The following TRIO variants were observed in gnomAD, a reference collection of about 807,000 sequenced individuals.
TRIO encodes trio Rho guanine nucleotide exchange factor, also known as triple functional domain protein.
Under a neutral mutation model 351.9 loss-of-function variants are expected in TRIO, and 58 were observed. The observed-to-expected ratio is 0.16, with a 90% CI of 0.13 to 0.21. The LOEUF (loss-of-function observed/expected upper bound fraction) is 0.21. Ranked by LOEUF, TRIO falls within the 10% of genes least tolerant of loss-of-function variation. The pLI, the probability that TRIO is intolerant of heterozygous loss-of-function variation, is 1.00. For synonymous variants in TRIO, 1,758 were observed against 1,595.7 expected (o/e 1.10, Z -2.42); for missense variants, 3,201 against 4,027.8 (o/e 0.79, Z 5.56).
At chr5:14,257,643 T>G (rs1425429958) in intron 1 of TRIO, among the ~76,000 whole-genome samples, 1 of 152,184 alleles carries the variant, frequency 6.6e-6, no homozygotes, top group Non-Finnish European at 1.5e-5. Context: ...TATAGTTCCT[T>G]AAATTATTTA....
At chr5:14,287,084 A>C in intron 4 of TRIO, 21 bp downstream of exon 4, 3 of 1,610,036 alleles carry the variant, frequency 1.9e-6, no homozygotes, top group Non-Finnish European at 2.5e-6. Context: ...CCGTGTGGCT[A>C]GACCCACTAA....
intron 1 of TRIO, among the ~76,000 whole-genome samples, chr5:14,217,082 G>A (rs1792271764): frequency 1.3e-5 from 2 of 152,164 alleles, no homozygotes; most frequent in South Asian, 2.1e-4. Flanking sequence ...CCTCCAGCAC[G>A]ATGCCCCATG....
chr5:14,436,712 A>G (rs1751618602), intron 34 of TRIO, among the ~76,000 whole-genome samples: 1 of 152,238 alleles, frequency 6.6e-6, no homozygotes, highest in Admixed American at 6.5e-5. Flanking sequence ...TACAGACCCC[A>G]TGCAAGTCTG....
chr5:14,478,784 T>TA (rs777440616), intron 41 of TRIO, among the ~76,000 whole-genome samples: 25,900 of 96,810 alleles, frequency 0.27, 2,890 homozygotes, highest in Middle Eastern at 0.46. Context: ...ACTCCATCCC[T>TA]ACAAAAAAAA....
chr5:14,471,672 A>G (rs1262319326), intron 38 of TRIO, among the ~76,000 whole-genome samples: 2 of 152,188 alleles, frequency 1.3e-5, no homozygotes, highest in Non-Finnish European at 2.9e-5. Flanking sequence ...TTATTTGTAT[A>G]TGATACTTCA....
chr5:14,384,099 G>A (rs1052631636), intron 21 of TRIO, among the ~76,000 whole-genome samples: 5 of 152,148 alleles, frequency 3.3e-5, no homozygotes, highest in Non-Finnish European at 5.9e-5. Flanking sequence ...GTTTATTTAA[G>A]AGAGATTTCT....
chr5:14,303,369 T>C (rs1738080204), intron 7 of TRIO, among the ~76,000 whole-genome samples: 2 of 132,220 alleles, frequency 1.5e-5, no homozygotes, highest in Non-Finnish European at 3.1e-5. Flanking sequence ...GTGGAGGAGA[T>C]TGAGCCGGGA....
intron 34 of TRIO, among the ~76,000 whole-genome samples, chr5:14,454,022 T>G (rs181924788): frequency 6.6e-6 from 1 of 152,030 alleles, no homozygotes; most frequent in Non-Finnish European, 1.5e-5. Flanking sequence ...CTCTGCCTCC[T>G]GGGTTCAAGC....
chr5:14,362,126 A>G (rs1395178564), intron 13 of TRIO, among the ~76,000 whole-genome samples: 4 of 152,316 alleles, frequency 2.6e-5, no homozygotes, highest in Non-Finnish European at 4.4e-5. Flanking sequence ...GAATGAATGA[A>G]TGTCTTCAAA....
intron 1 of TRIO, among the ~76,000 whole-genome samples, chr5:14,222,828 A>T (rs1318430930): frequency 6.6e-6 from 1 of 152,226 alleles, no homozygotes; most frequent in Non-Finnish European, 1.5e-5. Context: ...GACTTCTAAC[A>T]TCGCAGAGAT....
intron 31 of TRIO, among the ~76,000 whole-genome samples, chr5:14,405,417 A>G (rs935329836): frequency 6.6e-6 from 1 of 152,226 alleles, no homozygotes; most frequent in African/African-American, 2.4e-5. Context: ...CTGTTCCCTG[A>G]GTCCAGCAAA....
At chr5:14,419,313 G>A (rs1561468547) in intron 33 of TRIO, among the ~76,000 whole-genome samples, 1 of 152,098 alleles carries the variant, frequency 6.6e-6, no homozygotes. Flanking sequence ...TCGGTTTCAG[G>A]GTCATAGCCC....
At chr5:14,403,032 G>A (rs894277015) in intron 31 of TRIO, among the ~76,000 whole-genome samples, 2 of 149,512 alleles carry the variant, frequency 1.3e-5, no homozygotes, top group African/African-American at 4.9e-5. Flanking sequence ...GGTTGTGGTG[G>A]TGAAGGTGCA....
intron 1 of TRIO, among the ~76,000 whole-genome samples, chr5:14,154,332 C>T (rs765945760): frequency 1.5e-4 from 23 of 152,130 alleles, no homozygotes; most frequent in Admixed American, 4.6e-4. Flanking sequence ...AGGAAAGGAA[C>T]GGGGCCGGGG....
intron 42 of TRIO, 65 bp from the exon 43 acceptor site, chr5:14,479,854 A>G: frequency 6.8e-7 from 1 of 1,474,368 alleles, no homozygotes; most frequent in Non-Finnish European, 9.4e-7. Flanking sequence ...TGACAATTAC[A>G]AAGACTAAAA....
chr5:14,189,861 T>C (rs529161456), intron 1 of TRIO, among the ~76,000 whole-genome samples: 1 of 152,154 alleles, frequency 6.6e-6, no homozygotes, highest in East Asian at 1.9e-4. Flanking sequence ...GAGCTGGAAC[T>C]ATAGGCGCAT....
In TRIO at chr5:14,509,066, C is replaced by G. The variant is rs1244017539; in HGVS notation, c.*644C>G. 1 of 183,456 alleles carries G rather than the reference C, an allele frequency of 5.5e-6. No homozygotes were observed. Among genetic ancestry groups the G allele is most frequent in the African/African-American group, 2.4e-5 (1 of 40,970 alleles). 11.4% of individuals were successfully genotyped at this position (183,456 alleles called of 1,614,324 possible). A position where few individuals can be genotyped will look rare whatever the true frequency, so the allele number is the denominator to read the frequency against. ...CATTTTCCCACCTGCCTCCCCTACC[C>G]ACCCCCCACCCACCACCTGGGGCTT... is the stretch of plus-strand genomic sequence containing the variant. On this transcript the variant is annotated 3_prime_UTR_variant, in exon 57 of 57. Coordinates refer to ENST00000344204, the MANE Select transcript of TRIO (RefSeq NM_007118.4).
intron 1 of TRIO, among the ~76,000 whole-genome samples, chr5:14,221,892 A>C (rs1017005915): frequency 6.6e-6 from 1 of 152,254 alleles, no homozygotes; most frequent in East Asian, 1.9e-4. Flanking sequence ...CTAATTTCGA[A>C]AGAAGTTCTG....
chr5:14,353,255 G>A (rs535933385), intron 11 of TRIO, among the ~76,000 whole-genome samples: 8 of 148,266 alleles, frequency 5.4e-5, no homozygotes, highest in Non-Finnish European at 7.4e-5. Flanking sequence ...TCTTCTCATT[G>A]AAACTTCTAA....
Sources: allele counts gnomAD v4.1 joint callset (sites outside exome capture counted in the v4.1 genomes callset), GRCh38; gene constraint gnomAD v4.1.1; transcripts MANE v1.5; gene names NCBI Gene and HGNC (gene_info 2026-07-23, HGNC 2026-07-21).